GMDS: variants seen among roughly 807,000 people sequenced by gnomAD.
The protein encoded by GMDS is GDP-mannose 4,6 dehydratase.
A neutral mutation model predicts 49.9 loss-of-function variants in GMDS; 20 were observed. The observed-to-expected ratio is 0.40, with a 90% CI of 0.28 to 0.58. The LOEUF is 0.58. Ranked by LOEUF, GMDS falls within the 20% of genes least tolerant of loss-of-function variation. GMDS has a pLI of 0.42. For synonymous variants in GMDS, 177 were observed against 178.6 expected (o/e 0.99, Z 0.07); for missense variants, 362 against 481.4 (o/e 0.75, Z 2.32).
chr6:2,236,497 C>A (rs1781360891), intron 1 of GMDS, among the ~76,000 whole-genome samples: 6 of 152,184 alleles, frequency 3.9e-5, no homozygotes, highest in Admixed American at 3.9e-4. Context: ...TCCTGCAGGT[C>A]TCTTGCAACA....
rs141671054 is a variant in GMDS at position 2,051,969 on chromosome 6, T to C, written c.345+63802A>G. 8.8e-3 allele frequency among the ~76,000 whole-genome samples: 1,330 copies of C among 151,596 alleles called. 20 individuals carry two copies. The highest frequency in any genetic ancestry group is 0.031 in the African/African-American group (1,271 of 41,312). On this transcript the variant is annotated intron_variant, in intron 4 of 10. Coordinates refer to ENST00000380815, the MANE Select transcript of GMDS (RefSeq NM_001500.4). ...CCATCCCTACTAAAAATACAAAAAT[T>C]AGTCGGGCGTGGTGGCAAGCACCTG...
intron 8 of GMDS, among the ~76,000 whole-genome samples, chr6:1,734,682 C>T (rs1766941496): frequency 6.6e-6 from 1 of 152,238 alleles, no homozygotes; most frequent in Non-Finnish European, 1.5e-5. Context: ...CTGGTCAATA[C>T]TTCCCTTGCT....
At chr6:2,211,208 T>C (rs543769167) in intron 1 of GMDS, among the ~76,000 whole-genome samples, 1 of 152,324 alleles carries the variant, frequency 6.6e-6, no homozygotes, top group South Asian at 2.1e-4. Flanking sequence ...TGTTTACTTC[T>C]GTCTTTCCTC....
chr6:2,215,556 T>C (rs1780292201), intron 1 of GMDS, among the ~76,000 whole-genome samples: 1 of 151,228 alleles, frequency 6.6e-6, no homozygotes, highest in Non-Finnish European at 1.5e-5. Context: ...GGAGCTATAA[T>C]TCGAGATGAG....
intron 1 of GMDS, among the ~76,000 whole-genome samples, chr6:2,154,048 A>G (rs1776980504): frequency 6.6e-6 from 1 of 152,202 alleles, no homozygotes; most frequent in Non-Finnish European, 1.5e-5. Context: ...TAAAAAGAAA[A>G]GTAAGAAAGG....
At chr6:1,846,954 G>A (rs1196044328) in intron 7 of GMDS, among the ~76,000 whole-genome samples, 2 of 152,204 alleles carry the variant, frequency 1.3e-5, no homozygotes, top group South Asian at 2.1e-4. Flanking sequence ...TAATGACTAA[G>A]GTGCAGGGGG....
chr6:2,108,938 T>G (rs1774393106), intron 4 of GMDS, among the ~76,000 whole-genome samples: 1 of 152,062 alleles, frequency 6.6e-6, no homozygotes, highest in Admixed American at 6.6e-5. Flanking sequence ...AAACAAAGGA[T>G]CCAAAACATC....
At chr6:2,070,538 G>T (rs1771928881) in intron 4 of GMDS, among the ~76,000 whole-genome samples, 1 of 152,138 alleles carries the variant, frequency 6.6e-6, no homozygotes, top group East Asian at 1.9e-4. Context: ...GCTGGGGCTG[G>T]AAATGTCATA....
chr6:2,145,829 C>A (rs1776529597), intron 1 of GMDS, among the ~76,000 whole-genome samples: 1 of 152,156 alleles, frequency 6.6e-6, no homozygotes, highest in Non-Finnish European at 1.5e-5. Context: ...GAGTTCAGGA[C>A]CAGCCTGGCT....
intron 1 of GMDS, among the ~76,000 whole-genome samples, chr6:2,239,104 G>A (rs547514026): frequency 3.3e-5 from 5 of 152,172 alleles, no homozygotes; most frequent in African/African-American, 4.8e-5. Context: ...CAAGGTGGGC[G>A]GATGACTTGA....
chr6:1,664,348 T>C (rs554012389), intron 9 of GMDS, among the ~76,000 whole-genome samples: 1 of 152,312 alleles, frequency 6.6e-6, no homozygotes, highest in African/African-American at 2.4e-5. Flanking sequence ...CCCTCTCACC[T>C]GCCCACCCCC....
chr6:2,232,515 A>G (rs1166463714), intron 1 of GMDS, among the ~76,000 whole-genome samples: 1 of 152,160 alleles, frequency 6.6e-6, no homozygotes, highest in Non-Finnish European at 1.5e-5. Context: ...TTCTTAGAGG[A>G]CTTCAAAACT....
At position 2,117,486 on chromosome 6, in the gene GMDS, T is replaced by C. The variant is rs969099389; in HGVS notation, c.218A>G (p.Gln73Arg). ...TGACTTACTTCCTTCAATGTGAGCC[T>C]GGGGATTCTTATACAGATGCTCAAT... The part of the protein sequence containing the change: ...GRIEHLYKNP[Q>R]AHIEGNMKLH... Residue 73 changes from glutamine to arginine, a missense_variant, in exon 3 of 11, where the codon CAG (glutamine) becomes CGG (arginine). Physicochemically the swap from Gln to Arg is conservative, Grantham distance 43. Transcript: ENST00000380815. The C allele has an allele frequency of 1.3e-6, 2 of 1,592,048 alleles. No individual in the cohort carries two copies. Among genetic ancestry groups the C allele is most frequent in the African/African-American group, 1.3e-5 (1 of 74,492 alleles).
chr6:1,830,336 A>C (rs572174328), intron 7 of GMDS, among the ~76,000 whole-genome samples: 156 of 152,372 alleles, frequency 1.0e-3, no homozygotes, highest in African/African-American at 3.7e-3. Context: ...TAAGATGCTT[A>C]GCAACTTCTA....
At chr6:2,053,125 C>T (rs1252766666) in intron 4 of GMDS, among the ~76,000 whole-genome samples, 2 of 152,128 alleles carry the variant, frequency 1.3e-5, no homozygotes, top group Admixed American at 1.3e-4. Context: ...TATATTTTTA[C>T]TGTTTCCCCA....
At chr6:2,222,768 T>C (rs9392374) in intron 1 of GMDS, among the ~76,000 whole-genome samples, 1 of 151,984 alleles carries the variant, frequency 6.6e-6, no homozygotes, top group Non-Finnish European at 1.5e-5. Flanking sequence ...ACGAGCAACA[T>C]TGAGAAAGAC....
At chr6:1,848,854 A>AGC (rs1339905956) in intron 7 of GMDS, among the ~76,000 whole-genome samples, 3 of 152,178 alleles carry the variant, frequency 2.0e-5, no homozygotes, top group African/African-American at 7.2e-5. Context: ...GGGATGGGTG[A>AGC]GCATACACTG....
chr6:1,745,254 A>G (rs886080768), intron 7 of GMDS, among the ~76,000 whole-genome samples: 3 of 152,222 alleles, frequency 2.0e-5, no homozygotes, highest in African/African-American at 7.2e-5. Context: ...AAAAAGTCCT[A>G]TTTTTAGTCA....
intron 7 of GMDS, among the ~76,000 whole-genome samples, chr6:1,789,519 CTTTTTCTTTTTTCTTTTTTTTTT>C (rs1561806204): frequency 7.4e-6 from 1 of 135,440 alleles, no homozygotes; most frequent in African/African-American, 3.0e-5. Context: ...ATTATTTTTT[CTTTTTCTTTTTTCTTTTTTTTTT>C]TTTTTTTTTT....
Sources: gnomAD v4.1 joint callset for allele counts (sites outside exome capture counted in the v4.1 genomes callset) on GRCh38, gnomAD v4.1.1 for gene constraint, MANE v1.5 for transcripts, NCBI Gene and HGNC (gene_info 2026-07-23, HGNC 2026-07-21) for gene names.